Variants in RMDN2 observed in about 807,000 individuals in gnomAD.
The protein encoded by RMDN2 is regulator of microtubule dynamics 2, also known as regulator of microtubule dynamics protein 2.
A neutral mutation model predicts 52.8 loss-of-function variants in RMDN2; 61 were observed. The observed-to-expected ratio is 1.16, with a 90% CI of 0.94 to 1.43. The LOEUF (loss-of-function observed/expected upper bound fraction) is 1.43. Among genes scored for constraint, RMDN2 ranks in the 40% most tolerant of loss-of-function variants. RMDN2 has a pLI of 0.00. For missense variants in RMDN2, 592 were observed against 475.3 expected, an observed-to-expected ratio of 1.25 and a Z score of -2.28; for synonymous variants, 180 against 153.1, an observed-to-expected ratio of 1.18 and a Z score of -1.30.
At position 37,958,748 on chromosome 2, in the gene RMDN2, C is replaced by T. The variant is rs560399664; in HGVS notation, c.453-15292C>T. 3.3e-5 allele frequency among the ~76,000 whole-genome samples: 5 copies of T among 150,910 alleles called. 1 individual carries two copies. In the South Asian group the frequency reaches 1.0e-3, roughly 31 times the overall value. ...AAAGGGAATGCTTCCAGCTTTTGCC[C>T]ATTCAGTATGATATTGGCTGTGGGT... On this transcript the variant is annotated intron_variant, in intron 2 of 10. Transcript: ENST00000354545.
At chr2:38,062,015 C>T (rs1439922905) in intron 10 of RMDN2, among the ~76,000 whole-genome samples, 1 of 152,224 alleles carries the variant, frequency 6.6e-6, no homozygotes, top group African/African-American at 2.4e-5. Flanking sequence ...CATCTCGTTT[C>T]CTTGTCTGCC....
chr2:37,926,615 A>C (rs1457800641), intron 1 of RMDN2, among the ~76,000 whole-genome samples: 2 of 152,170 alleles, frequency 1.3e-5, no homozygotes, highest in Admixed American at 6.5e-5. Flanking sequence ...TTTATACTAC[A>C]AGTGTATACT....
chr2:38,018,145 A>G (rs1679052478), downstream of RMDN2, among the ~76,000 whole-genome samples: 1 of 152,202 alleles, frequency 6.6e-6, no homozygotes, highest in Admixed American at 6.5e-5. Flanking sequence ...CTGGACGTAT[A>G]ATGCAGGTCA....
chr2:38,004,797 A>G (rs890384224), intron 10 of RMDN2, among the ~76,000 whole-genome samples: 3 of 151,290 alleles, frequency 2.0e-5, no homozygotes, highest in Non-Finnish European at 2.9e-5. Context: ...GCACCCATTA[A>G]CTCGTCATTT....
At chr2:38,033,596 G>GT (rs1386916346) in intron 10 of RMDN2, among the ~76,000 whole-genome samples, 1 of 152,170 alleles carries the variant, frequency 6.6e-6, no homozygotes, top group Non-Finnish European at 1.5e-5. Flanking sequence ...TACTCCATGT[G>GT]GACACACATT....
At chr2:37,951,761 T>C (rs750531666) in intron 2 of RMDN2, 2 of 1,613,200 alleles carry the variant, frequency 1.2e-6, no homozygotes, top group South Asian at 1.1e-5. Flanking sequence ...CTCCTGAATA[T>C]AACACTAAAA....
At chr2:37,950,343 C>T (rs1034118441) in intron 2 of RMDN2, 3 of 1,061,818 alleles carry the variant, frequency 2.8e-6, no homozygotes, top group South Asian at 3.0e-5. Context: ...ACACATTCCA[C>T]AGCCATGTGA....
At chr2:38,053,927 TAGAC>T (rs1189131869) in intron 10 of RMDN2, among the ~76,000 whole-genome samples, 4 of 152,240 alleles carry the variant, frequency 2.6e-5, no homozygotes, top group Non-Finnish European at 5.9e-5. Flanking sequence ...GTTATTTTGA[TAGAC>T]AGAGAGTTAG....
At position 38,005,999 on chromosome 2, in the gene RMDN2, G is replaced by A. The variant is rs7562991; in HGVS notation, c.1179+1783G>A. Among the ~76,000 whole-genome samples, 1,073 of 152,298 alleles carry A rather than the reference G, an allele frequency of 7.0e-3. 17 individuals are homozygous for A. The highest frequency in any genetic ancestry group is 0.024 in the African/African-American group (1,005 of 41,554). ...TCTTGTTTTTGTCAGGTTTGTCAAA[G>A]ATCAGATGGTTGTAGATATGCAGCA... On this transcript the variant is annotated intron_variant, in intron 10 of 10. Coordinates refer to ENST00000354545, the MANE Select transcript of RMDN2 (RefSeq NM_001170791.3).
chr2:37,938,306 A>G lies in RMDN2; in HGVS notation c.452+8577A>G, dbSNP rs1055831384. The stretch of plus-strand genomic sequence containing the variant: ...GCTGGATTTGGTTTGCCAGTATTTT[A>G]TTGAGGATTTTTGCATCAATCTTCA... On this transcript the variant is annotated intron_variant, in intron 2 of 10. Coordinates refer to ENST00000354545, the MANE Select transcript of RMDN2 (RefSeq NM_001170791.3). 3.9e-5 allele frequency among the ~76,000 whole-genome samples: 6 copies of G among 152,184 alleles called. No homozygotes were observed. In the South Asian group the frequency reaches 6.2e-4, roughly 16 times the overall value.
chr2:37,996,479 G>A (rs187218063), intron 7 of RMDN2, among the ~76,000 whole-genome samples: 46 of 152,014 alleles, frequency 3.0e-4, no homozygotes, highest in African/African-American at 1.1e-3. Flanking sequence ...CAACTGTTCA[G>A]GAGGCTGAAG....
In RMDN2 at chr2:37,943,063, C is replaced by A. The variant is rs142173383; in HGVS notation, c.452+13334C>A. Among the ~76,000 whole-genome samples the A allele has an allele frequency of 1.7e-4, 26 of 152,296 alleles. No individual in the cohort carries two copies. In the East Asian group the frequency reaches 5.0e-3, roughly 29 times the overall value. Reference sequence around the variant, plus strand: ...GCATGAGCAGCCATCCACATGCCACCCATGAAAGGAACTGCTAAAGGCTGA... The same window carrying A: ...GCATGAGCAGCCATCCACATGCCACACATGAAAGGAACTGCTAAAGGCTGA... On this transcript the variant is annotated intron_variant, in intron 2 of 10. Transcript: ENST00000354545.
At chr2:37,947,066 T>C (rs1008159100) in intron 2 of RMDN2, among the ~76,000 whole-genome samples, 2 of 152,188 alleles carry the variant, frequency 1.3e-5, no homozygotes, top group African/African-American at 4.8e-5. Flanking sequence ...TTAATTTTGA[T>C]TTTTGTAGAT....
At chr2:37,992,581 A>G (rs6544128) in intron 7 of RMDN2, among the ~76,000 whole-genome samples, 71,052 of 152,028 alleles carry the variant, frequency 0.47, 17,062 homozygotes, top group East Asian at 0.74. Flanking sequence ...CAAGGAAAGA[A>G]TGCACATTTT....
Position 38,017,563 on chromosome 2 carries a change from ATTG to A in RMDN2, c.*327_*329del, listed in dbSNP as rs1162077272. ...TAAAATGAATTCTCATGAATATTTT[ATTG>A]TTTCAATGGAGACTTCGTAAGACAA... On this transcript the variant is annotated 3_prime_UTR_variant, in exon 11 of 11. Coordinates refer to ENST00000354545, the MANE Select transcript of RMDN2 (RefSeq NM_001170791.3). The A allele has an allele frequency of 3.3e-6, 4 of 1,203,388 alleles. No homozygotes were observed. Among genetic ancestry groups the A allele is most frequent in the Non-Finnish European group, 4.4e-6 (4 of 914,184 alleles). 74.5% of individuals were successfully genotyped at this position (1,203,388 alleles called of 1,614,324 possible). A position where few individuals can be genotyped will look rare whatever the true frequency, so the allele number is the denominator to read the frequency against.
chr2:38,007,637 T>C (rs1677304928), intron 10 of RMDN2, among the ~76,000 whole-genome samples: 1 of 152,228 alleles, frequency 6.6e-6, no homozygotes, highest in African/African-American at 2.4e-5. Context: ...TCAATTTTGT[T>C]GATCTTTTCA....
intron 5 of RMDN2, among the ~76,000 whole-genome samples, chr2:37,988,628 A>G (rs1674357256): frequency 6.6e-6 from 1 of 151,912 alleles, no homozygotes; most frequent in Non-Finnish European, 1.5e-5. Flanking sequence ...GAAATGGCTG[A>G]GATAAATAAC....
intron 10 of RMDN2, among the ~76,000 whole-genome samples, chr2:38,039,083 CACACACACACAG>C (rs1158797018): frequency 2.9e-4 from 24 of 83,064 alleles, no homozygotes; most frequent in African/African-American, 1.2e-3. Flanking sequence ...CACACACACA[CACACACACACAG>C]AGAGAGAGAT....
rs374984936 is a variant in RMDN2, at chr2:38,004,222, T to A, written c.1179+6T>A. 13 of 1,606,302 alleles carry A rather than the reference T, an allele frequency of 8.1e-6. No homozygotes were observed. In the African/African-American group the frequency reaches 1.5e-4, roughly 18 times the overall value. On this transcript the variant is annotated splice_donor_region_variant and intron_variant, in intron 10 of 10. Coordinates refer to ENST00000354545, the MANE Select transcript of RMDN2 (RefSeq NM_001170791.3). ...TTCCTACTGTTACCAAAGAGGTAAG[T>A]CCAGAAAGTGACAGTGAGTGCTGTT...
Sources: allele counts gnomAD v4.1 joint callset (sites outside exome capture counted in the v4.1 genomes callset), GRCh38; gene constraint gnomAD v4.1.1; transcripts MANE v1.5; gene names NCBI Gene and HGNC (gene_info 2026-07-23, HGNC 2026-07-21).